Variants in LRCOL1 observed in about 807,000 individuals in gnomAD.
The protein encoded by LRCOL1 is leucine rich colipase like 1, also known as leucine-rich colipase-like protein 1.
LRCOL1 carries 21 observed loss-of-function variants against 21.6 expected under a neutral mutation model. That is an observed-to-expected ratio of 0.97 (90% CI 0.69 to 1.40). The LOEUF (loss-of-function observed/expected upper bound fraction) is 1.40, where lower values mean the gene tolerates loss of function less well. Ranked by LOEUF, LRCOL1 falls within the 40% of genes most tolerant of loss-of-function variation. The pLI is 0.00. For synonymous variants in LRCOL1, 98 were observed against 90.1 expected (o/e 1.09, Z -0.49); for missense variants, 198 against 202.3 (o/e 0.98, Z 0.13).
rs1053380147 is a variant in LRCOL1 at position 132,610,318 on chromosome 12, C to T, written c.-14+5G>A. The T allele has an allele frequency of 6.6e-6, 1 of 152,252 alleles. No homozygotes were observed. Among genetic ancestry groups the T allele is most frequent in the Non-Finnish European group, 1.5e-5 (1 of 68,078 alleles). 9.4% of individuals were successfully genotyped at this position (152,252 alleles called of 1,614,324 possible). A position where few individuals can be genotyped will look rare whatever the true frequency, so the allele number is the denominator to read the frequency against. On this transcript the variant is annotated splice_donor_5th_base_variant and intron_variant, in intron 1 of 5. Transcript: ENST00000376608. ...GACAGCTGCGTGGACATTCAGCGGC[C>T]CTACCTTTTTCCGTCAGGCGCCAGC...
chr12:132,607,070 C>T (rs911798536), intron 1 of LRCOL1, among the ~76,000 whole-genome samples: 8 of 152,318 alleles, frequency 5.3e-5, no homozygotes, highest in African/African-American at 1.4e-4. Context: ...CGCAGCAGTG[C>T]GGGCATCAGA....
rs763191550 is a variant in LRCOL1 at position 132,606,137 on chromosome 12, C to A, written c.105+10G>T. On this transcript the variant is annotated intron_variant, in intron 2 of 5. Transcript: ENST00000376608. The surrounding 1 kb of genome is among the most constrained non-coding windows in gnomAD (Gnocchi z 4.6). ...GGCCTGCAGGGGCATCAGGGGTGCC[C>A]GGCACCCACCTTATGGGACAGGTTC... 6.5e-7 allele frequency: 1 copy of A among 1,534,868 alleles called. No homozygotes were observed. Among genetic ancestry groups the A allele is most frequent in the African/African-American group, 1.4e-5 (1 of 73,134 alleles).
Position 132,608,819 on chromosome 12 carries a change from T to C in LRCOL1, c.-14+1504A>G, listed in dbSNP as rs560639153. 5.3e-5 allele frequency among the ~76,000 whole-genome samples: 8 copies of C among 152,368 alleles called. No individual in the cohort carries two copies. In the East Asian group the frequency reaches 1.5e-3, roughly 29 times the overall value. On this transcript the variant is annotated intron_variant, in intron 1 of 5. Transcript: ENST00000376608. ...AATTTCAAGCTTGCAGTATCTTTCC[T>C]GTACTTGGAACCAGGAAAAATTTTT...
At chr12:132,609,365 G>A (rs576949515) in intron 1 of LRCOL1, among the ~76,000 whole-genome samples, 6 of 152,332 alleles carry the variant, frequency 3.9e-5, no homozygotes, top group South Asian at 2.1e-4. Flanking sequence ...GCACGGCAAC[G>A]TGAATGTGCT....
At chr12:132,604,198 C>G (rs1159531515) in intron 5 of LRCOL1, 56 bp downstream of exon 5, 2 of 1,487,766 alleles carry the variant, frequency 1.3e-6, no homozygotes, top group Admixed American at 2.2e-5. Flanking sequence ...TTCTGTGCGA[C>G]TTCCCTGTGG....
rs1034377413 is a variant in LRCOL1 at position 132,604,498 on chromosome 12, G to A, written c.318C>T (p.Pro106=). The change falls in exon 4 of 6, where the codon CCC becomes CCT. Residue 106 remains proline, a synonymous_variant. Coordinates refer to ENST00000376608, the MANE Select transcript of LRCOL1 (RefSeq NM_001195520.2). ...RNNSPQELCT[P]QSVFLQCVPW... is the part of the protein sequence containing the mutation. ...GCACACACTGCAGGAAGACGCTTTGGGGCGTGCACAACTCCTGCGGGCTGT... is the reference window on the plus strand; with the variant it reads ...GCACACACTGCAGGAAGACGCTTTGAGGCGTGCACAACTCCTGCGGGCTGT... 2.9e-5 allele frequency: 45 copies of A among 1,535,876 alleles called. No individual in the cohort carries two copies. The highest frequency in any genetic ancestry group is 3.9e-5 in the Non-Finnish European group (45 of 1,146,850).
rs1369010690 is a variant in LRCOL1, at chr12:132,606,162, C to T, written c.90G>A (p.Leu30=). The T allele has an allele frequency of 2.6e-6, 4 of 1,536,374 alleles. No individual in the cohort carries two copies. In the East Asian group the frequency reaches 9.8e-5, roughly 38 times the overall value. Residue 30 remains leucine (L), a synonymous_variant, in exon 2 of 6, where the codon TTG becomes TTA. Coordinates refer to ENST00000376608, the MANE Select transcript of LRCOL1 (RefSeq NM_001195520.2). The surrounding 1 kb of genome is among the most constrained non-coding windows in gnomAD (Gnocchi z 4.6). ...SMAGYGPQKK[L]NLSHKGIGEP... is the part of the protein sequence containing the mutation. ...CGGCACCCACCTTATGGGACAGGTT[C>T]AACTTCTTCTGTGGCCCATACCCTG... is the stretch of plus-strand genomic sequence containing the variant.
Position 132,604,281 on chromosome 12 carries a change from G to C in LRCOL1, c.450C>G (p.Thr150=). 2 of 1,535,358 alleles carry C rather than the reference G, an allele frequency of 1.3e-6. No homozygotes were observed. Among genetic ancestry groups the C allele is most frequent in the Non-Finnish European group, 1.7e-6 (2 of 1,146,654 alleles). Residue 150 remains threonine (T), a synonymous_variant, in exon 5 of 6, where the codon ACC becomes ACG. Coordinates refer to ENST00000376608, the MANE Select transcript of LRCOL1 (RefSeq NM_001195520.2). ...GGGGCAGGCACTGGGCCAGGATCCC[G>C]GTCCGGGGAATGCAGCGGAAGGGGC... is the stretch of plus-strand genomic sequence containing the variant. ...EYSPFRCIPR[T]GILAQCLPL is the part of the protein sequence containing the mutation.
Position 132,606,193 on chromosome 12 carries a change from G to A in LRCOL1, c.59C>T (p.Ser20Phe), listed in dbSNP as rs1414690999. The change falls in exon 2 of 6, where the codon TCC becomes TTC. Residue 20 changes from serine to phenylalanine, a missense_variant. Ser to Phe is a radical substitution (Grantham distance 155). Coordinates refer to ENST00000376608, the MANE Select transcript of LRCOL1 (RefSeq NM_001195520.2). This position sits in a 1 kb window ranked among gnomAD's most constrained non-coding sequence, Gnocchi z 4.6. ...CTTCTGTGGCCCATACCCTGCCATGGACCCCAGCAGCAGCAGCAGCAGCAG... is the reference window on the plus strand; with the variant it reads ...CTTCTGTGGCCCATACCCTGCCATGAACCCCAGCAGCAGCAGCAGCAGCAG... ...LLLLLLLLLGSMAGYGPQKKL... is the reference protein window; with the variant it reads ...LLLLLLLLLGFMAGYGPQKKL... 6.5e-7 allele frequency: 1 copy of A among 1,536,468 alleles called. No homozygotes were observed. Among genetic ancestry groups the A allele is most frequent in the Non-Finnish European group, 8.7e-7 (1 of 1,146,912 alleles).
At chr12:132,604,110 G>T (rs1000549715) in intron 5 of LRCOL1, 144 bp downstream of exon 5, 19 of 1,432,460 alleles carry the variant, frequency 1.3e-5, no homozygotes, top group South Asian at 1.5e-5. Context: ...GCGGTGAAGC[G>T]CCGGCCTCTC....
intron 1 of LRCOL1, among the ~76,000 whole-genome samples, chr12:132,607,215 C>T (rs1294160919): frequency 1.3e-5 from 2 of 152,224 alleles, no homozygotes; most frequent in African/African-American, 4.8e-5. Context: ...TTCCTCGGGA[C>T]TCTTCCAGCC....
chr12:132,604,929 C>A, intron 2 of LRCOL1, 98 bp from the exon 3 acceptor site: 1 of 1,468,974 alleles, frequency 6.8e-7, no homozygotes, highest in South Asian at 1.3e-5. Context: ...TCCCCTGTGT[C>A]ACCATCCTTC....
rs561616119 is a variant in LRCOL1 at position 132,603,350 on chromosome 12, G to A, written c.*52C>T. On this transcript the variant is annotated 3_prime_UTR_variant, in exon 6 of 6. Coordinates refer to ENST00000376608, the MANE Select transcript of LRCOL1 (RefSeq NM_001195520.2). ...CAGCCCCCGCGCAACGCGGTCCTGCGTGAACATCCCAGGGCCCAGGCCGGT... is the reference window on the plus strand; with the variant it reads ...CAGCCCCCGCGCAACGCGGTCCTGCATGAACATCCCAGGGCCCAGGCCGGT... The A allele has an allele frequency of 2.5e-5, 38 of 1,535,684 alleles. No homozygotes were observed. The highest frequency in any genetic ancestry group is 3.1e-5 in the Non-Finnish European group (35 of 1,146,648).
chr12:132,605,051 G>A, intron 2 of LRCOL1: 1 of 1,383,830 alleles, frequency 7.2e-7, no homozygotes, highest in Non-Finnish European at 9.4e-7. Context: ...TGAGCCACGT[G>A]GAAGAGGGTA....
At chr12:132,609,296 T>TG (rs2041348573) in intron 1 of LRCOL1, among the ~76,000 whole-genome samples, 1 of 152,122 alleles carries the variant, frequency 6.6e-6, no homozygotes, top group African/African-American at 2.4e-5. Context: ...TGGTGTTTGA[T>TG]GGGGCCGGTT....
At chr12:132,607,153 C>T (rs892750233) in intron 1 of LRCOL1, among the ~76,000 whole-genome samples, 31 of 152,306 alleles carry the variant, frequency 2.0e-4, no homozygotes, top group Non-Finnish European at 2.8e-4. Context: ...GCCCGGACGG[C>T]GCTGCCCCCA....
rs2041247469 is a variant in LRCOL1, at chr12:132,603,244, G to A, written c.*158C>T. ...CACAGACACTTCGCGCCACCAGGCTGGTCACAGCCTTTCAGTTCCCACAGA... is the reference window on the plus strand; with the variant it reads ...CACAGACACTTCGCGCCACCAGGCTAGTCACAGCCTTTCAGTTCCCACAGA... On this transcript the variant is annotated 3_prime_UTR_variant, in exon 6 of 6. Transcript: ENST00000376608. 1.8e-6 allele frequency: 2 copies of A among 1,135,224 alleles called. No homozygotes were observed. The highest frequency in any genetic ancestry group is 1.6e-5 in the African/African-American group (1 of 64,382). 70.3% of individuals were successfully genotyped at this position (1,135,224 alleles called of 1,614,324 possible).
At chr12:132,604,221 G>C (rs1593648555) in intron 5 of LRCOL1, 33 bp downstream of exon 5, 1 of 1,511,828 alleles carries the variant, frequency 6.6e-7, no homozygotes, top group Non-Finnish European at 8.8e-7. Flanking sequence ...GCCAAGGGAG[G>C]GCCTGGAGGC....
rs576134019 is a variant in LRCOL1 at position 132,603,253 on chromosome 12, C to A, written c.*149G>T. 1 of 1,258,140 alleles carries A rather than the reference C, an allele frequency of 7.9e-7. No individual in the cohort carries two copies. Among genetic ancestry groups the A allele is most frequent in the African/African-American group, 1.5e-5 (1 of 66,886 alleles). The allele number at this position is 1,258,140 out of a possible 1,614,324, so 77.9% of individuals were successfully genotyped here. A position where few individuals can be genotyped will look rare whatever the true frequency, so the allele number is the denominator to read the frequency against. ...TTCGCGCCACCAGGCTGGTCACAGC[C>A]TTTCAGTTCCCACAGATTTTCAGAG... is the stretch of plus-strand genomic sequence containing the variant. On this transcript the variant is annotated 3_prime_UTR_variant, in exon 6 of 6. Coordinates refer to ENST00000376608, the MANE Select transcript of LRCOL1 (RefSeq NM_001195520.2).
Sources: allele counts gnomAD v4.1 joint callset (sites outside exome capture counted in the v4.1 genomes callset), GRCh38; gene constraint gnomAD v4.1.1; non-coding constraint Gnocchi (gnomAD v3.1); transcripts MANE v1.5; gene names NCBI Gene and HGNC (gene_info 2026-07-23, HGNC 2026-07-21).